The following PRPH variants were observed in gnomAD, a reference collection of about 807,000 sequenced individuals.
The protein encoded by PRPH is neurofilament 4 (57kD).
In PRPH, 48 loss-of-function variants were observed where a neutral mutation model predicts 52.6. That is an observed-to-expected ratio of 0.91 (90% CI 0.72 to 1.16). The LOEUF (loss-of-function observed/expected upper bound fraction) is 1.16, where lower values mean the gene tolerates loss of function less well. Ranked by LOEUF, PRPH falls within the 50% of genes most tolerant of loss-of-function variation. PRPH has a pLI of 0.00. For synonymous variants in PRPH, 279 were observed against 283.8 expected (o/e 0.98, Z 0.17); for missense variants, 579 against 635.7 (o/e 0.91, Z 0.96).
Position 49,298,542 on chromosome 12 carries a change from G to A in PRPH, c.*189G>A, listed in dbSNP as rs566923084. On this transcript the variant is annotated 3_prime_UTR_variant, in exon 9 of 9. Transcript: ENST00000257860. ...GCCTCTCCCTGCCCTGACACTTGAT[G>A]TGACCTATGTGCTTCCCTTTTCATG... The A allele has an allele frequency of 4.9e-6, 3 of 617,404 alleles. No homozygotes were observed. In the African/African-American group the frequency reaches 5.5e-5, roughly 11 times the overall value. The allele number at this position is 617,404 out of a possible 1,614,324, so 38.2% of individuals were successfully genotyped here.
intron 1 of PRPH, 144 bp downstream of exon 1, chr12:49,295,889 G>A (rs941948812): frequency 4.8e-5 from 69 of 1,440,252 alleles, no homozygotes; most frequent in Admixed American, 1.9e-4. Flanking sequence ...TGTGCGGGCA[G>A]CATCCCTGCC....
rs2137039852 is a variant in PRPH, at chr12:49,297,177, G to C, written c.900G>C (p.Arg300=). 1 of 1,614,032 alleles carries C rather than the reference G, an allele frequency of 6.2e-7. No individual in the cohort carries two copies. The highest frequency in any genetic ancestry group is 8.5e-7 in the Non-Finnish European group (1 of 1,179,980). Reference sequence around the variant, plus strand: ...CGGACCTGTCCGACGCTGCCAACCGGAACCACGAGGCCCTGCGCCAGGCCA... The same window carrying C: ...CGGACCTGTCCGACGCTGCCAACCGCAACCACGAGGCCCTGCGCCAGGCCA... ...KYADLSDAAN[R]NHEALRQAKQ... is the part of the protein sequence containing the mutation. The change falls in exon 5 of 9, where the codon CGG becomes CGC. Residue 300 remains arginine (R), a synonymous_variant. Transcript: ENST00000257860. The surrounding 1 kb of genome is among the most constrained non-coding windows in gnomAD (Gnocchi z 4.4).
chr12:49,298,261 G>A (rs1308659110), intron 8 of PRPH, 27 bp from the exon 9 acceptor site: 1 of 1,613,612 alleles, frequency 6.2e-7, no homozygotes, highest in East Asian at 2.2e-5. Context: ...AATGGCTTGT[G>A]CCCATCATAT....
In PRPH at chr12:49,296,291, C is replaced by T. The variant is rs2062360625; in HGVS notation, c.606+53C>T. On this transcript the variant is annotated intron_variant, in intron 2 of 8. Transcript: ENST00000257860. The surrounding 1 kb of genome is among the most constrained non-coding windows in gnomAD (Gnocchi z 5.1). ...GCCTCCCCACCGCTACCCCCGATCT[C>T]AGTATCCAGAGGTGGCATCGGTGGG... 1 of 1,602,496 alleles carries T rather than the reference C, an allele frequency of 6.2e-7. No individual in the cohort carries two copies. Among genetic ancestry groups the T allele is most frequent in the Non-Finnish European group, 8.5e-7 (1 of 1,172,326 alleles).
rs763791625 is a variant in PRPH, at chr12:49,296,203, G to C, written c.571G>C (p.Glu191Gln). 1 of 1,613,050 alleles carries C rather than the reference G, an allele frequency of 6.2e-7. No individual in the cohort carries two copies. The highest frequency in any genetic ancestry group is 1.7e-5 in the Admixed American group (1 of 60,010). Residue 191 changes from glutamate (E) to glutamine (Q), a missense_variant, in exon 2 of 9, where the codon GAG becomes CAG. Physicochemically the swap from Glu to Gln is conservative, Grantham distance 29. Transcript: ENST00000257860. The surrounding 1 kb of genome is among the most constrained non-coding windows in gnomAD (Gnocchi z 5.1). ...QRLEEETRKR[E>Q]DAEHNLVLFR... ...GTTGGAGGAGGAGACGCGCAAGCGG[G>C]AGGACGCGGAGCACAACCTCGTGCT...
rs1375501092 is a variant in PRPH, at chr12:49,297,655, T to C, written c.1218-22T>C. 6.2e-7 allele frequency: 1 copy of C among 1,613,410 alleles called. No individual in the cohort carries two copies. The highest frequency in any genetic ancestry group is 8.5e-7 in the Non-Finnish European group (1 of 1,180,008). ...CAGGGCGGGGCCTGGGCAGGGGCGCTGACAACTTGCTTCGCCTCTAGGATC... is the reference window on the plus strand; with the variant it reads ...CAGGGCGGGGCCTGGGCAGGGGCGCCGACAACTTGCTTCGCCTCTAGGATC... On this transcript the variant is annotated intron_variant, in intron 6 of 8. Coordinates refer to ENST00000257860, the MANE Select transcript of PRPH (RefSeq NM_006262.4). The surrounding 1 kb of genome is among the most constrained non-coding windows in gnomAD (Gnocchi z 4.4).
Position 49,295,674 on chromosome 12 carries a change from G to GCAAC in PRPH, c.474_475insCAAC (p.Gly159GlnfsTer6). 1.3e-6 allele frequency: 2 copies of GCAAC among 1,535,462 alleles called. No homozygotes were observed. Among genetic ancestry groups the GCAAC allele is most frequent in the Non-Finnish European group, 1.7e-6 (2 of 1,144,350 alleles). ...AGCTGCGGCGAGAGCTGGAGCTGTT[G>GCAAC]GGCCGCGAGCGTGACCGGGTGCAGG... On this transcript the variant is annotated frameshift_variant, in exon 1 of 9. Coordinates refer to ENST00000257860, the MANE Select transcript of PRPH (RefSeq NM_006262.4). LOFTEE classifies it high-confidence loss of function.
chr12:49,297,181 C>T lies in PRPH; in HGVS notation c.904C>T (p.His302Tyr). The T allele has an allele frequency of 6.2e-7, 1 of 1,614,058 alleles. No individual in the cohort carries two copies. The highest frequency in any genetic ancestry group is 8.5e-7 in the Non-Finnish European group (1 of 1,179,994). ...ADLSDAANRN[H>Y]EALRQAKQEM... ...CCTGTCCGACGCTGCCAACCGGAAC[C>T]ACGAGGCCCTGCGCCAGGCCAAGCA... Residue 302 changes from histidine (H) to tyrosine (Y), a missense_variant, in exon 5 of 9, where the codon CAC (histidine) becomes TAC (tyrosine). Physicochemically the swap from His to Tyr is moderately conservative, Grantham distance 83. Coordinates refer to ENST00000257860, the MANE Select transcript of PRPH (RefSeq NM_006262.4). The surrounding 1 kb of genome is among the most constrained non-coding windows in gnomAD (Gnocchi z 4.4).
Position 49,297,060 on chromosome 12 carries a change from C to G in PRPH, c.870+4C>G. 1.2e-6 allele frequency: 2 copies of G among 1,613,876 alleles called. No homozygotes were observed. The highest frequency in any genetic ancestry group is 1.7e-6 in the Non-Finnish European group (2 of 1,179,950). ...GGAGGAGTGGTACAAGTCCAAGGTG[C>G]AAGAGCCGGGAGGGCCTGCGAGGCG... On this transcript the variant is annotated splice_donor_region_variant and intron_variant, in intron 4 of 8. Transcript: ENST00000257860. The surrounding 1 kb of genome is among the most constrained non-coding windows in gnomAD (Gnocchi z 4.4).
rs1943170913 is a variant in PRPH at position 49,295,826 on chromosome 12, T to C, written c.545+81T>C. 3.5e-6 allele frequency: 5 copies of C among 1,436,730 alleles called. 1 individual carries two copies. In the Admixed American group the frequency reaches 1.2e-4, roughly 34 times the overall value. The allele number at this position is 1,436,730 out of a possible 1,614,324, so 89.0% of individuals were successfully genotyped here. ...GGCGGCTGCTCTTGCCTCCCCTCGCTTCCCCTCTCCATCAGCAGCCCAAGG... is the reference window on the plus strand; with the variant it reads ...GGCGGCTGCTCTTGCCTCCCCTCGCCTCCCCTCTCCATCAGCAGCCCAAGG... On this transcript the variant is annotated intron_variant, in intron 1 of 8. Coordinates refer to ENST00000257860, the MANE Select transcript of PRPH (RefSeq NM_006262.4).
Position 49,296,241 on chromosome 12 carries a change from G to A in PRPH, c.606+3G>A. 6.2e-7 allele frequency: 1 copy of A among 1,612,908 alleles called. No individual in the cohort carries two copies. ...ACAACCTCGTGCTCTTCCGCAAGGT[G>A]AGTCCGAGCCCCTCTCCGAGTTCAG... On this transcript the variant is annotated splice_donor_region_variant and intron_variant, in intron 2 of 8. Transcript: ENST00000257860. This position sits in a 1 kb window ranked among gnomAD's most constrained non-coding sequence, Gnocchi z 5.1.
Position 49,297,594 on chromosome 12 carries a change from T to TGGGGC in PRPH, c.1217+23_1217+27dup. 6 of 254,852 alleles carry TGGGGC rather than the reference T, an allele frequency of 2.4e-5. No homozygotes were observed. Among genetic ancestry groups the TGGGGC allele is most frequent in the Non-Finnish European group, 4.8e-5 (6 of 124,818 alleles). The allele number at this position is 254,852 out of a possible 1,614,324, so 15.8% of individuals were successfully genotyped here. A position where few individuals can be genotyped will look rare whatever the true frequency, so the allele number is the denominator to read the frequency against. ...GGAGAGCCGGTGAGGGTGGAGCTGCTGGGGCGGGGCAGGGCGGGGTCGGGA... is the reference window on the plus strand; with the variant it reads ...GGAGAGCCGGTGAGGGTGGAGCTGCTGGGGCGGGGCGGGGCAGGGCGGGGTCGGGA... On this transcript the variant is annotated intron_variant, in intron 6 of 8. Coordinates refer to ENST00000257860, the MANE Select transcript of PRPH (RefSeq NM_006262.4). The surrounding 1 kb of genome is among the most constrained non-coding windows in gnomAD (Gnocchi z 4.4).
Position 49,298,507 on chromosome 12 carries a change from CA to C in PRPH, c.*155del. 1 of 765,624 alleles carries C rather than the reference CA, an allele frequency of 1.3e-6. No individual in the cohort carries two copies. Among genetic ancestry groups the C allele is most frequent in the Non-Finnish European group, 2.2e-6 (1 of 456,982 alleles). The allele number at this position is 765,624 out of a possible 1,614,324, so 47.4% of individuals were successfully genotyped here. ...TTATGGCCAAGCCCTACCCGGCCAG[CA>C]GTCGCTGGGCCTCTCCCTGCCCTGA... is the stretch of plus-strand genomic sequence containing the variant. On this transcript the variant is annotated 3_prime_UTR_variant, in exon 9 of 9. Transcript: ENST00000257860.
chr12:49,297,078 G>T lies in PRPH; in HGVS notation c.870+22G>T. ...CAAGGTGCAAGAGCCGGGAGGGCCT[G>T]CGAGGCGGGACGCTGGGGTGGTGTC... On this transcript the variant is annotated intron_variant, in intron 4 of 8. Coordinates refer to ENST00000257860, the MANE Select transcript of PRPH (RefSeq NM_006262.4). The surrounding 1 kb of genome is among the most constrained non-coding windows in gnomAD (Gnocchi z 4.4). The T allele has an allele frequency of 6.2e-7, 1 of 1,613,902 alleles. No individual in the cohort carries two copies. Among genetic ancestry groups the T allele is most frequent in the Non-Finnish European group, 8.5e-7 (1 of 1,179,944 alleles).
Position 49,296,766 on chromosome 12 carries a change from GC to G in PRPH, c.703-120del, listed in dbSNP as rs2137039410. 1 of 1,444,744 alleles carries G rather than the reference GC, an allele frequency of 6.9e-7. No individual in the cohort carries two copies. The highest frequency in any genetic ancestry group is 1.4e-5 in the African/African-American group (1 of 71,054). The allele number at this position is 1,444,744 out of a possible 1,614,324, so 89.5% of individuals were successfully genotyped here. ...CGCCCGCGGGGGCGCAGGGCTGTAC[GC>G]CCTGCCCTCCCTGGCGCCCACTTCT... On this transcript the variant is annotated intron_variant, in intron 3 of 8. Transcript: ENST00000257860. The surrounding 1 kb of genome is among the most constrained non-coding windows in gnomAD (Gnocchi z 5.1).
In PRPH at chr12:49,298,024, C is replaced by A. The variant is rs1351195700; in HGVS notation, c.1334C>A (p.Thr445Asn). The A allele has an allele frequency of 6.2e-7, 1 of 1,614,198 alleles. No homozygotes were observed. The highest frequency in any genetic ancestry group is 1.1e-5 in the South Asian group (1 of 91,092). Residue 445 changes from threonine to asparagine, a missense_variant, in exon 8 of 9, where the codon ACC (threonine) becomes AAC (asparagine). Thr to Asn is a moderately conservative substitution (Grantham distance 65). Coordinates refer to ENST00000257860, the MANE Select transcript of PRPH (RefSeq NM_006262.4). Reference sequence around the variant, plus strand: ...ACGGTTCTGATCAAGACCATTGAGACCCGGAATGGGGAGGTGAGGCAGGTC... The same window carrying A: ...ACGGTTCTGATCAAGACCATTGAGAACCGGAATGGGGAGGTGAGGCAGGTC... ...RKTVLIKTIE[T>N]RNGEVVTESQ...
In PRPH at chr12:49,296,939, G is replaced by A; in HGVS notation, c.753G>A (p.Val251=). The A allele has an allele frequency of 6.2e-7, 1 of 1,613,562 alleles. No homozygotes were observed. ...TGGAGAGCCAGCAGGTGCAGCAGGT[G>A]GAGGTGGAAGCCACGGTGAAGCCCG... ...VSVESQQVQQ[V]EVEATVKPEL... is the part of the protein sequence containing the mutation. Residue 251 remains valine (V), a synonymous_variant, in exon 4 of 9, where the codon GTG becomes GTA. Coordinates refer to ENST00000257860, the MANE Select transcript of PRPH (RefSeq NM_006262.4). This position sits in a 1 kb window ranked among gnomAD's most constrained non-coding sequence, Gnocchi z 5.1.
Position 49,295,317 on chromosome 12 carries a change from C to G in PRPH, c.117C>G (p.Arg39=). 1.2e-6 allele frequency: 2 copies of G among 1,611,596 alleles called. No homozygotes were observed. Among genetic ancestry groups the G allele is most frequent in the South Asian group, 2.2e-5 (2 of 90,866 alleles). ...PGAFSYSSSS[R]FSSSRLLGSA... ...CCTTCTCCTACTCGTCCAGCTCCCG[C>G]TTCTCCAGCAGCCGCCTGCTGGGCT... The change falls in exon 1 of 9, where the codon CGC becomes CGG. Residue 39 remains arginine (R), a synonymous_variant. Transcript: ENST00000257860.
chr12:49,296,873 C>T lies in PRPH; in HGVS notation c.703-16C>T, dbSNP rs1291489493. ...ATTTGCGCCGCTGTCCATCCTCTGC[C>T]TGCTCCCGGCCGTAGGAGCTGCGAG... On this transcript the variant is annotated splice_polypyrimidine_tract_variant and intron_variant, in intron 3 of 8. Coordinates refer to ENST00000257860, the MANE Select transcript of PRPH (RefSeq NM_006262.4). This position sits in a 1 kb window ranked among gnomAD's most constrained non-coding sequence, Gnocchi z 5.1. 6.2e-7 allele frequency: 1 copy of T among 1,603,510 alleles called. No homozygotes were observed. Among genetic ancestry groups the T allele is most frequent in the African/African-American group, 1.3e-5 (1 of 74,706 alleles).
Sources: gnomAD v4.1 joint callset for allele counts on GRCh38, gnomAD v4.1.1 for gene constraint, Gnocchi (gnomAD v3.1) non-coding constraint, MANE v1.5 for transcripts, NCBI Gene and HGNC (gene_info 2026-07-23, HGNC 2026-07-21) for gene names.